The following EPB41L4A variants were observed in gnomAD, a reference collection of about 807,000 sequenced individuals.
The protein encoded by EPB41L4A is erythrocyte membrane protein band 4.1 like 4A, also known as band 4.1-like protein 4A.
In EPB41L4A, 100 loss-of-function variants were observed where a neutral mutation model predicts 108.6. That is an observed-to-expected ratio of 0.92 (90% CI 0.78 to 1.09). The LOEUF is 1.09. Among genes scored for constraint, EPB41L4A ranks in the 50% least tolerant of loss-of-function variants. The pLI is 0.00. For missense variants in EPB41L4A, 1,030 were observed against 842.7 expected (o/e 1.22, Z -2.75); for synonymous variants, 319 against 289.0 (o/e 1.10, Z -1.05).
intron 12 of EPB41L4A, among the ~76,000 whole-genome samples, chr5:112,153,482 T>C (rs1554068956): frequency 6.7e-6 from 1 of 148,358 alleles, no homozygotes; most frequent in Non-Finnish European, 1.5e-5. Context: ...TGAGCCAAGA[T>C]AGCGCCACTG....
At chr5:112,373,999 C>T (rs779751010) in intron 1 of EPB41L4A, among the ~76,000 whole-genome samples, 3 of 152,162 alleles carry the variant, frequency 2.0e-5, no homozygotes, top group Non-Finnish European at 2.9e-5. Context: ...GAGAGCAACT[C>T]ATGTATACAC....
At chr5:112,254,113 C>T (rs1488279043) in intron 9 of EPB41L4A, among the ~76,000 whole-genome samples, 3 of 152,150 alleles carry the variant, frequency 2.0e-5, no homozygotes, top group Non-Finnish European at 4.4e-5. Context: ...AGGTATTATA[C>T]ATAAAAGTAA....
intron 1 of EPB41L4A, among the ~76,000 whole-genome samples, chr5:112,352,150 T>C (rs1184008685): frequency 6.6e-6 from 1 of 152,238 alleles, no homozygotes; most frequent in Admixed American, 6.5e-5. Context: ...CTCTGATCTT[T>C]CTTTCCTTCG....
chr5:112,295,595 C>G (rs1016916252), intron 2 of EPB41L4A, among the ~76,000 whole-genome samples: 2 of 152,070 alleles, frequency 1.3e-5, no homozygotes, highest in African/African-American at 2.4e-5. Flanking sequence ...CCCAAGGGCA[C>G]GAATAATCAC....
At chr5:112,389,673 AAGGC>A (rs1760799369) in intron 1 of EPB41L4A, among the ~76,000 whole-genome samples, 1 of 152,184 alleles carries the variant, frequency 6.6e-6, no homozygotes. Context: ...CCCGTCTATA[AAGGC>A]AACTTCCTCT....
At position 112,167,997 on chromosome 5, in the gene EPB41L4A, A is replaced by G. The variant is rs142319688; in HGVS notation, c.1932+742T>C. On this transcript the variant is annotated intron_variant, in intron 22 of 22. Coordinates refer to ENST00000261486, the MANE Select transcript of EPB41L4A (RefSeq NM_022140.5). ...GATCCATGATCAAATGACACTGAAA[A>G]CCACAACACGACGAACAACGGGCTG... is the stretch of plus-strand genomic sequence containing the variant. Among the ~76,000 whole-genome samples the G allele has an allele frequency of 3.0e-3, 460 of 152,290 alleles. 3 individuals carry two copies. Among genetic ancestry groups the G allele is most frequent in the African/African-American group, 0.01 (432 of 41,550 alleles).
rs765000251 is a variant in EPB41L4A at position 112,234,747 on chromosome 5, G to C, written c.974C>G (p.Thr325Arg). ...IRYKHRYSGR[T>R]ALQMSRDLSI... ...AAGATCTCGGCTCATTTGCAAAGCT[G>C]TCCTGCCACTTGAGAGTGCAACATT... The change falls in exon 12 of 23, where the codon ACA becomes AGA. Residue 325 changes from threonine to arginine, a missense_variant. By Grantham distance (71) the Thr-to-Arg change is moderately conservative. Coordinates refer to ENST00000261486, the MANE Select transcript of EPB41L4A (RefSeq NM_022140.5). 7 of 1,610,054 alleles carry C rather than the reference G, an allele frequency of 4.3e-6. No homozygotes were observed. The Admixed American group carries it at 1.2e-4, about 27-fold the overall frequency.
chr5:112,375,998 G>A lies in EPB41L4A; in HGVS notation c.99+42943C>T, dbSNP rs529773548. ...CCCAGGGGTTGGCTTTAATAATACC[G>A]AAAGCATAAATAAAAACAAAAACCA... On this transcript the variant is annotated intron_variant, in intron 1 of 22. Transcript: ENST00000261486. Among the ~76,000 whole-genome samples the A allele has an allele frequency of 5.1e-4, 77 of 152,156 alleles. No homozygotes were observed. The South Asian group carries it at 0.012, about 23-fold the overall frequency.
intron 1 of EPB41L4A, chr5:112,392,929 A>G (rs1045948659): frequency 6.6e-6 from 1 of 152,260 alleles, no homozygotes; most frequent in Non-Finnish European, 1.5e-5. Flanking sequence ...ATTCAGGACT[A>G]AGAAACTCAC....
At chr5:112,167,801 A>G (rs1760342017) in intron 22 of EPB41L4A, among the ~76,000 whole-genome samples, 5 of 152,186 alleles carry the variant, frequency 3.3e-5, no homozygotes, top group Admixed American at 3.3e-4. Flanking sequence ...TATCTAGGGA[A>G]CCTAACCTAA....
chr5:112,273,984 G>C (rs1752443311), intron 4 of EPB41L4A, among the ~76,000 whole-genome samples: 1 of 152,008 alleles, frequency 6.6e-6, no homozygotes, highest in African/African-American at 2.4e-5. Flanking sequence ...GCAGACATCT[G>C]CTTGGTTCTA....
At chr5:112,294,663 A>C (rs1580627088) in intron 2 of EPB41L4A, among the ~76,000 whole-genome samples, 1 of 152,214 alleles carries the variant, frequency 6.6e-6, no homozygotes, top group South Asian at 2.1e-4. Flanking sequence ...AAGGGTGTTC[A>C]GGCAGGGGAG....
rs982943974 is a variant in EPB41L4A, at chr5:112,264,674, G to C, written c.554+222C>G. ...TCTGAAAGGCCATTGACCAAAAAAT[G>C]GTAACTTTACATATTGAAATTACTT... On this transcript the variant is annotated intron_variant, in intron 6 of 22. Coordinates refer to ENST00000261486, the MANE Select transcript of EPB41L4A (RefSeq NM_022140.5). 4 of 352,778 alleles carry C rather than the reference G, an allele frequency of 1.1e-5. No homozygotes were observed. In the Admixed American group the frequency reaches 1.4e-4, roughly 13 times the overall value. The allele number at this position is 352,778 out of a possible 1,614,324, so 21.9% of individuals were successfully genotyped here.
intron 2 of EPB41L4A, among the ~76,000 whole-genome samples, chr5:112,302,036 T>C (rs1185400130): frequency 6.6e-6 from 1 of 152,066 alleles, no homozygotes; most frequent in Non-Finnish European, 1.5e-5. Context: ...TTTATAAAGG[T>C]AGATGAAGAG....
chr5:112,163,255 C>T lies in EPB41L4A; in HGVS notation c.*1735G>A, dbSNP rs1286563812. ...GGAGGTGTCCATAACTGCTAGGTGT[C>T]CAGCTTGCACACTGATGAGCATAAT... On this transcript the variant is annotated 3_prime_UTR_variant, in exon 23 of 23. Transcript: ENST00000261486. 2 of 152,272 alleles carry T rather than the reference C, an allele frequency of 1.3e-5. No homozygotes were observed. The highest frequency in any genetic ancestry group is 2.4e-5 in the African/African-American group (1 of 41,548). 9.4% of individuals were successfully genotyped at this position (152,272 alleles called of 1,614,324 possible).
chr5:112,316,837 G>C (rs1443321888), intron 1 of EPB41L4A, among the ~76,000 whole-genome samples: 3 of 152,172 alleles, frequency 2.0e-5, no homozygotes, highest in African/African-American at 7.2e-5. Flanking sequence ...ACCCAGGATG[G>C]CTTCATTCAC....
At chr5:112,352,585 T>G (rs749491066) in intron 1 of EPB41L4A, among the ~76,000 whole-genome samples, 1 of 152,236 alleles carries the variant, frequency 6.6e-6, no homozygotes, top group Non-Finnish European at 1.5e-5. Context: ...TTCAATCTGT[T>G]TATATTCAAG....
chr5:112,325,359 T>C (rs1275155944), intron 1 of EPB41L4A, among the ~76,000 whole-genome samples: 3 of 150,644 alleles, frequency 2.0e-5, no homozygotes, highest in African/African-American at 7.4e-5. Flanking sequence ...GAAAATGGCA[T>C]GAACCCAAGA....
intron 9 of EPB41L4A, among the ~76,000 whole-genome samples, chr5:112,245,049 C>T (rs1241071775): frequency 6.9e-6 from 1 of 144,792 alleles, no homozygotes; most frequent in Non-Finnish European, 1.5e-5. Flanking sequence ...AGGGTTGCCA[C>T]AAATCTTCAA....
Sources: allele counts gnomAD v4.1 joint callset (sites outside exome capture counted in the v4.1 genomes callset), GRCh38; gene constraint gnomAD v4.1.1; transcripts MANE v1.5; gene names NCBI Gene and HGNC (gene_info 2026-07-23, HGNC 2026-07-21).